CYBRD1: variants seen among roughly 807,000 people sequenced by gnomAD.
CYBRD1 encodes cytochrome b reductase 1, also known as plasma membrane ascorbate-dependent reductase CYBRD1.
In CYBRD1, 14 loss-of-function variants were observed where a neutral mutation model predicts 21.9. The ratio of observed to expected loss-of-function variants is 0.64; its 90% CI spans 0.42 to 1.00. CYBRD1 has a LOEUF of 1.00. CYBRD1 is among the 50% of genes least tolerant of loss of function. CYBRD1 has a pLI of 0.00. For missense variants in CYBRD1, 328 were observed against 352.5 expected (o/e 0.93, Z 0.56); for synonymous variants, 146 against 136.5 (o/e 1.07, Z -0.48).
At chr2:171,545,545 A>ATTTTTTTTTTTTTTTTT (rs35880894) in intron 2 of CYBRD1, among the ~76,000 whole-genome samples, 1 of 121,602 alleles carries the variant, frequency 8.2e-6, no homozygotes. Flanking sequence ...CATGTGGCTA[A>ATTTTTTTTTTTTTTTTT]TTTTTTTTTT....
At chr2:171,537,021 C>T (rs933864779) in intron 1 of CYBRD1, among the ~76,000 whole-genome samples, 4 of 152,174 alleles carry the variant, frequency 2.6e-5, no homozygotes, top group Non-Finnish European at 5.9e-5. Flanking sequence ...TACTTAACCT[C>T]TCTGCCTCAG....
At chr2:171,540,379 C>T (rs1697612204) in intron 1 of CYBRD1, among the ~76,000 whole-genome samples, 1 of 152,084 alleles carries the variant, frequency 6.6e-6, no homozygotes, top group Non-Finnish European at 1.5e-5. Flanking sequence ...TTTATTTATT[C>T]ATTCTATTGA....
chr2:171,525,437 CA>C (rs1455686405), intron 1 of CYBRD1, among the ~76,000 whole-genome samples: 2 of 152,218 alleles, frequency 1.3e-5, no homozygotes, highest in East Asian at 3.9e-4. Context: ...ATATCTTGGC[CA>C]ACCCATCCAC....
intron 1 of CYBRD1, among the ~76,000 whole-genome samples, chr2:171,531,421 G>C (rs1180909510): frequency 2.0e-5 from 3 of 151,964 alleles, no homozygotes; most frequent in Non-Finnish European, 4.4e-5. Flanking sequence ...CATTTAATTT[G>C]GTTGGACACG....
intron 1 of CYBRD1, among the ~76,000 whole-genome samples, chr2:171,537,110 A>G (rs1327888080): frequency 6.6e-6 from 1 of 152,198 alleles, no homozygotes; most frequent in Non-Finnish European, 1.5e-5. Context: ...TGAAGCACTT[A>G]GATGGTACCT....
intron 1 of CYBRD1, among the ~76,000 whole-genome samples, chr2:171,526,679 C>G (rs1697391024): frequency 6.6e-6 from 1 of 152,118 alleles, no homozygotes; most frequent in Non-Finnish European, 1.5e-5. Flanking sequence ...AGAAACGAAC[C>G]TTGAAAAGAG....
chr2:171,529,280 C>T (rs1461737937), intron 1 of CYBRD1, among the ~76,000 whole-genome samples: 1 of 152,114 alleles, frequency 6.6e-6, no homozygotes. Flanking sequence ...GCCTGTAATC[C>T]CAGCACTTTG....
chr2:171,526,933 A>ATAAC (rs1697394583), intron 1 of CYBRD1, among the ~76,000 whole-genome samples: 1 of 152,242 alleles, frequency 6.6e-6, no homozygotes, highest in Admixed American at 6.5e-5. Flanking sequence ...GTGAGATAAT[A>ATAAC]TAACTACCTT....
In CYBRD1 at chr2:171,524,573, G is replaced by C. The variant is rs553031920; in HGVS notation, c.193+1835G>C. Among the ~76,000 whole-genome samples, 6 of 152,342 alleles carry C rather than the reference G, an allele frequency of 3.9e-5. No individual in the cohort carries two copies. In the East Asian group the frequency reaches 1.2e-3, roughly 29 times the overall value. On this transcript the variant is annotated intron_variant, in intron 1 of 3. Transcript: ENST00000321348. Reference sequence around the variant, plus strand: ...GAATGGCTAATAGTGATTGCATGCTGTGTGTCCACTAAGTGCATTATGTCA... The same window carrying C: ...GAATGGCTAATAGTGATTGCATGCTCTGTGTCCACTAAGTGCATTATGTCA...
intron 1 of CYBRD1, among the ~76,000 whole-genome samples, chr2:171,527,586 C>A (rs1230111202): frequency 6.6e-6 from 1 of 152,168 alleles, no homozygotes; most frequent in Non-Finnish European, 1.5e-5. Flanking sequence ...GAATGGACAT[C>A]ATATTGCACT....
intron 1 of CYBRD1, among the ~76,000 whole-genome samples, chr2:171,526,362 C>T (rs945559441): frequency 1.3e-5 from 2 of 151,962 alleles, no homozygotes; most frequent in Non-Finnish European, 2.9e-5. Context: ...TTCCCTTTCT[C>T]GCTCACCCTC....
intron 2 of CYBRD1, among the ~76,000 whole-genome samples, chr2:171,546,367 G>A (rs1452046471): frequency 2.0e-5 from 3 of 152,176 alleles, no homozygotes. Flanking sequence ...TTAGCACACT[G>A]GTATAACACA....
chr2:171,538,415 T>C (rs1697577126), intron 1 of CYBRD1, among the ~76,000 whole-genome samples: 1 of 152,126 alleles, frequency 6.6e-6, no homozygotes, highest in Non-Finnish European at 1.5e-5. Flanking sequence ...GAGGGGGCCT[T>C]GAGTTTGCTT....
rs10455 is a variant in CYBRD1, at chr2:171,554,763, G to C, written c.797G>C (p.Ser266Thr). 1.9e-6 allele frequency: 3 copies of C among 1,613,780 alleles called. No individual in the cohort carries two copies. The East Asian group carries it at 6.7e-5, about 36-fold the overall frequency. Residue 266 changes from serine (S) to threonine (T), a missense_variant, in exon 4 of 4, where the codon AGT (serine) becomes ACT (threonine). Coordinates refer to ENST00000321348, the MANE Select transcript of CYBRD1 (RefSeq NM_024843.4). ...NMDKSDSELNSEVAARKRNLA... is the reference protein window; with the variant it reads ...NMDKSDSELNTEVAARKRNLA... ...GACAAATCAGATTCAGAGTTAAACA[G>C]TGAAGTAGCAGCAAGGAAAAGAAAC...
chr2:171,539,226 G>A (rs1230480364), intron 1 of CYBRD1, among the ~76,000 whole-genome samples: 1 of 152,180 alleles, frequency 6.6e-6, no homozygotes, highest in Non-Finnish European at 1.5e-5. Context: ...GTTCATGCCT[G>A]TAATCCCAGC....
rs1683507566 is a variant in CYBRD1, at chr2:171,557,357, T to C, written c.*2530T>C. The C allele has an allele frequency of 6.6e-6, 1 of 152,196 alleles. No individual in the cohort carries two copies. The highest frequency in any genetic ancestry group is 1.5e-5 in the Non-Finnish European group (1 of 68,024). 9.4% of individuals were successfully genotyped at this position (152,196 alleles called of 1,614,324 possible). On this transcript the variant is annotated 3_prime_UTR_variant, in exon 4 of 4. Coordinates refer to ENST00000321348, the MANE Select transcript of CYBRD1 (RefSeq NM_024843.4). Reference sequence around the variant, plus strand: ...GAAATTTCCCAAAATAATTATGGCTTCTGTCATCTCCAGAGATAATCTGGC... The same window carrying C: ...GAAATTTCCCAAAATAATTATGGCTCCTGTCATCTCCAGAGATAATCTGGC...
intron 2 of CYBRD1, 118 bp from the exon 3 acceptor site, chr2:171,553,228 C>G: frequency 8.3e-7 from 1 of 1,206,428 alleles, no homozygotes. Context: ...ACTTCATTTT[C>G]TACCCTTTGG....
At position 171,555,874 on chromosome 2, in the gene CYBRD1, C is replaced by T. The variant is rs1258512763; in HGVS notation, c.*1047C>T. 2 of 152,232 alleles carry T rather than the reference C, an allele frequency of 1.3e-5. No homozygotes were observed. Among genetic ancestry groups the T allele is most frequent in the Non-Finnish European group, 2.9e-5 (2 of 68,048 alleles). The allele number at this position is 152,232 out of a possible 1,614,324, so 9.4% of individuals were successfully genotyped here. ...CTCAGATGCAGGCAGTCTGGCACCTCAGTCTGGATTCTAACCATTTCACTA... is the reference window on the plus strand; with the variant it reads ...CTCAGATGCAGGCAGTCTGGCACCTTAGTCTGGATTCTAACCATTTCACTA... On this transcript the variant is annotated 3_prime_UTR_variant, in exon 4 of 4. Transcript: ENST00000321348.
chr2:171,530,654 C>T (rs1032368265), intron 1 of CYBRD1, among the ~76,000 whole-genome samples: 5 of 152,154 alleles, frequency 3.3e-5, no homozygotes, highest in South Asian at 4.2e-4. Context: ...CAGGGCTTCT[C>T]ATTCTCCCGA....
Sources: allele counts gnomAD v4.1 joint callset (sites outside exome capture counted in the v4.1 genomes callset), GRCh38; gene constraint gnomAD v4.1.1; transcripts MANE v1.5; gene names NCBI Gene and HGNC (gene_info 2026-07-23, HGNC 2026-07-21).